Variants in KCNB2 observed in about 807,000 individuals in gnomAD.
KCNB2 encodes the protein delayed rectifier potassium channel protein.
A neutral mutation model predicts 61.5 loss-of-function variants in KCNB2; 15 were observed. The observed-to-expected ratio is 0.24, with a 90% CI of 0.16 to 0.38. KCNB2 has a LOEUF of 0.38. Among genes scored for constraint, KCNB2 ranks in the 10% least tolerant of loss-of-function variants. The pLI, the probability that KCNB2 is intolerant of heterozygous loss-of-function variation, is 1.00. For missense variants in KCNB2, 828 were observed against 1,125.2 expected (o/e 0.74, Z 3.78); for synonymous variants, 457 against 446.0 (o/e 1.02, Z -0.31).
At chr8:72,567,080 G>C (rs552051385) in intron 1 of KCNB2, among the ~76,000 whole-genome samples, 4 of 152,190 alleles carry the variant, frequency 2.6e-5, no homozygotes, top group African/African-American at 9.6e-5. Context: ...CAGTACTTTG[G>C]AACGCTGAGG....
At chr8:72,589,520 T>C (rs1257730103) in intron 2 of KCNB2, among the ~76,000 whole-genome samples, 1 of 152,172 alleles carries the variant, frequency 6.6e-6, no homozygotes, top group Non-Finnish European at 1.5e-5. Flanking sequence ...GCACTATCAG[T>C]GCTTGGTAGT....
intron 2 of KCNB2, among the ~76,000 whole-genome samples, chr8:72,918,557 T>G (rs1806444674): frequency 6.6e-6 from 1 of 152,206 alleles, no homozygotes. Context: ...AGATAAGTAC[T>G]CAGATCTGGG....
chr8:72,651,831 G>A (rs1013486853), intron 2 of KCNB2, among the ~76,000 whole-genome samples: 2 of 151,948 alleles, frequency 1.3e-5, no homozygotes, highest in African/African-American at 4.8e-5. Flanking sequence ...TTTAGTATAT[G>A]TAACTGTCTA....
chr8:72,672,675 A>G (rs1806584753), intron 2 of KCNB2, among the ~76,000 whole-genome samples: 1 of 152,060 alleles, frequency 6.6e-6, no homozygotes. Context: ...TAAGGTGTCC[A>G]AAGTCTTCTG....
chr8:72,936,303 G>T lies in KCNB2; in HGVS notation c.948G>T (p.Arg316Ser). The T allele has an allele frequency of 6.2e-7, 1 of 1,614,248 alleles. No individual in the cohort carries two copies. The part of the protein sequence containing the change: ...MRILRILKLA[R>S]HSTGLQSLGF... ...TCCTCAGGATCCTGAAACTCGCCAG[G>T]CATTCGACAGGCCTGCAGTCTCTGG... The change falls in exon 3 of 3, where the codon AGG (arginine) becomes AGT (serine). Residue 316 changes from arginine (R) to serine (S), a missense_variant. Physicochemically the swap from Arg to Ser is moderately radical, Grantham distance 110. Transcript: ENST00000523207. The surrounding 1 kb of genome is among the most constrained non-coding windows in gnomAD (Gnocchi z 5.6).
intron 2 of KCNB2, among the ~76,000 whole-genome samples, chr8:72,900,956 C>G (rs1806080235): frequency 6.6e-6 from 1 of 152,162 alleles, no homozygotes; most frequent in Non-Finnish European, 1.5e-5. Context: ...GAGCTTAAAA[C>G]AGAGCTACCA....
chr8:72,885,142 A>G lies in KCNB2; in HGVS notation c.580-50793A>G, dbSNP rs1309010677. Among the ~76,000 whole-genome samples, 3 of 152,096 alleles carry G rather than the reference A, an allele frequency of 2.0e-5. No homozygotes were observed. The South Asian group carries it at 6.2e-4, about 31-fold the overall frequency. On this transcript the variant is annotated intron_variant, in intron 2 of 2. Transcript: ENST00000523207. ...ACATAATCTCCTTTATAGTATATTC[A>G]TTAATAGATTTTAAAATATTAAACT...
At chr8:72,752,316 A>G (rs562437925) in intron 2 of KCNB2, among the ~76,000 whole-genome samples, 6 of 152,166 alleles carry the variant, frequency 3.9e-5, no homozygotes, top group Non-Finnish European at 7.4e-5. Flanking sequence ...AGGTACCCAG[A>G]TGTCTAGTTT....
At chr8:72,642,596 A>G (rs1806074011) in intron 2 of KCNB2, among the ~76,000 whole-genome samples, 1 of 152,102 alleles carries the variant, frequency 6.6e-6, no homozygotes, top group Non-Finnish European at 1.5e-5. Context: ...TGGAGGTTGG[A>G]GGCAGGATAG....
At chr8:72,662,896 T>G (rs1210897444) in intron 2 of KCNB2, among the ~76,000 whole-genome samples, 1 of 152,198 alleles carries the variant, frequency 6.6e-6, no homozygotes, top group Non-Finnish European at 1.5e-5. Flanking sequence ...AGCATGATTT[T>G]CAGACTCTTT....
rs34259157 is a variant in KCNB2 at position 72,567,890 on chromosome 8, G to T, written c.156G>T (p.Thr52=). 6,538 of 1,613,992 alleles carry T rather than the reference G, an allele frequency of 4.1e-3. 207 individuals carry two copies. In the African/African-American group the frequency reaches 0.075, roughly 18 times the overall value. The part of the protein sequence containing the change: ...GGLNHEVLWR[T]LDRLPRTRLG... ...TCAACCACGAAGTCCTGTGGAGAAC[G>T]CTGGACAGGCTGCCCAGGACGCGCC... Residue 52 remains threonine (T), a synonymous_variant, in exon 2 of 3, where the codon ACG becomes ACT. Coordinates refer to ENST00000523207, the MANE Select transcript of KCNB2 (RefSeq NM_004770.3).
At chr8:72,834,067 A>C (rs1383733580) in intron 2 of KCNB2, among the ~76,000 whole-genome samples, 1 of 152,192 alleles carries the variant, frequency 6.6e-6, no homozygotes, top group African/African-American at 2.4e-5. Flanking sequence ...ACTGAGAAAT[A>C]TATTCATTCT....
chr8:72,908,174 G>A (rs867301287), intron 2 of KCNB2, among the ~76,000 whole-genome samples: 1 of 151,880 alleles, frequency 6.6e-6, no homozygotes. Flanking sequence ...AGAGATCTTT[G>A]AACTATGAAG....
chr8:72,653,271 A>G (rs1806240534), intron 2 of KCNB2, among the ~76,000 whole-genome samples: 1 of 152,170 alleles, frequency 6.6e-6, no homozygotes, highest in Non-Finnish European at 1.5e-5. Context: ...TATACTTTGT[A>G]GCAGCTTTTG....
rs778520110 is a variant in KCNB2 at position 72,888,390 on chromosome 8, C to T, written c.580-47545C>T. On this transcript the variant is annotated intron_variant, in intron 2 of 2. Coordinates refer to ENST00000523207, the MANE Select transcript of KCNB2 (RefSeq NM_004770.3). ...CTTCCCAAAGTGCTAGGATTACAGA[C>T]GTTAGTCACCGCACATGGCCACAGT... Among the ~76,000 whole-genome samples, 35 of 152,256 alleles carry T rather than the reference C, an allele frequency of 2.3e-4. 1 individual carries two copies. The highest frequency in any genetic ancestry group is 6.2e-4 in the South Asian group (3 of 4,828).
intron 2 of KCNB2, among the ~76,000 whole-genome samples, chr8:72,896,318 C>T (rs1805988059): frequency 6.6e-6 from 1 of 152,122 alleles, no homozygotes; most frequent in Non-Finnish European, 1.5e-5. Flanking sequence ...GCATTTGTCC[C>T]TCTCTAAATT....
chr8:72,637,719 A>G (rs1045779666), intron 2 of KCNB2, among the ~76,000 whole-genome samples: 3 of 152,266 alleles, frequency 2.0e-5, no homozygotes, highest in Admixed American at 2.0e-4. Context: ...CACATTTAAC[A>G]GACTACTTGC....
chr8:72,587,479 T>C (rs1377172813), intron 2 of KCNB2, among the ~76,000 whole-genome samples: 2 of 152,204 alleles, frequency 1.3e-5, no homozygotes, highest in East Asian at 3.8e-4. Flanking sequence ...ATCCCAGCAC[T>C]TTGGGAGGCC....
At chr8:72,887,815 G>A (rs1805830764) in intron 2 of KCNB2, among the ~76,000 whole-genome samples, 1 of 152,158 alleles carries the variant, frequency 6.6e-6, no homozygotes, top group Non-Finnish European at 1.5e-5. Flanking sequence ...ACCCCCAGAT[G>A]GAAGCCAGGG....
Sources: gnomAD v4.1 joint callset for allele counts (sites outside exome capture counted in the v4.1 genomes callset) on GRCh38, gnomAD v4.1.1 for gene constraint, Gnocchi (gnomAD v3.1) non-coding constraint, MANE v1.5 for transcripts, NCBI Gene and HGNC (gene_info 2026-07-23, HGNC 2026-07-21) for gene names.